FAM149A: variants seen among roughly 807,000 people sequenced by gnomAD.
FAM149A encodes protein FAM149A.
FAM149A carries 71 observed loss-of-function variants against 78.2 expected under a neutral mutation model. The ratio of observed to expected loss-of-function variants is 0.91; its 90% CI spans 0.75 to 1.11. The LOEUF is 1.11. Ranked by LOEUF, FAM149A falls within the 50% of genes least tolerant of loss-of-function variation. The pLI, the probability that FAM149A is intolerant of heterozygous loss-of-function variation, is 0.00. For missense variants in FAM149A, 1,036 were observed against 971.0 expected, an observed-to-expected ratio of 1.07 and a Z score of -0.89; for synonymous variants, 446 against 410.5, an observed-to-expected ratio of 1.09 and a Z score of -1.04.
chr4:186,169,355 G>A (rs539042095), intron 13 of FAM149A: 73 of 985,426 alleles, frequency 7.4e-5, no homozygotes, highest in South Asian at 2.3e-4. Flanking sequence ...GCTCAAAGGC[G>A]TGACCTGTGA....
chr4:186,150,122 C>G (rs1420353465), intron 3 of FAM149A, among the ~76,000 whole-genome samples: 2 of 129,958 alleles, frequency 1.5e-5, no homozygotes, highest in Admixed American at 7.5e-5. Flanking sequence ...ACCTTCACCC[C>G]CTACCGCTGG....
At chr4:186,146,642 G>A (rs1733059095) in intron 1 of FAM149A, 3 of 709,844 alleles carry the variant, frequency 4.2e-6, no homozygotes, top group African/African-American at 1.9e-5. Flanking sequence ...AGGAGGAGGA[G>A]CTAGAAGCAG....
At position 186,132,110 on chromosome 4, in the gene FAM149A, C is replaced by A. The variant is rs956264667; in HGVS notation, c.567-17063C>A. On this transcript the variant is annotated intron_variant, in intron 1 of 13. Transcript: ENST00000389354. ...TAACACGTCATTTCCACAGCAGAGG[C>A]TTGGTGATGCTAATCATTTGACAAA... 6 of 985,274 alleles carry A rather than the reference C, an allele frequency of 6.1e-6. No individual in the cohort carries two copies. In the African/African-American group the frequency reaches 1.0e-4, roughly 17 times the overall value. 61.0% of individuals were successfully genotyped at this position (985,274 alleles called of 1,614,324 possible).
At chr4:186,108,850 G>GTTT (rs199914588) in intron 1 of FAM149A, among the ~76,000 whole-genome samples, 1 of 140,552 alleles carries the variant, frequency 7.1e-6, no homozygotes, top group Non-Finnish European at 1.5e-5. Context: ...TCAATCTCTG[G>GTTT]TTTTTTTTTT....
At chr4:186,123,864 T>C in intron 1 of FAM149A, 1 of 980,876 alleles carries the variant, frequency 1.0e-6, no homozygotes, top group Non-Finnish European at 1.2e-6. Context: ...CAAATATTTA[T>C]GTGACAATCA....
intron 1 of FAM149A, chr4:186,129,906 G>A (rs773811531): frequency 2.6e-5 from 4 of 152,174 alleles, no homozygotes; most frequent in Non-Finnish European, 4.4e-5. Flanking sequence ...TAAATAGGAA[G>A]CATTGGTAGA....
Position 186,172,045 on chromosome 4 carries a change from G to A in FAM149A, c.*58G>A. The A allele has an allele frequency of 1.3e-6, 2 of 1,579,628 alleles. No homozygotes were observed. Among genetic ancestry groups the A allele is most frequent in the African/African-American group, 2.7e-5 (2 of 72,886 alleles). On this transcript the variant is annotated 3_prime_UTR_variant, in exon 14 of 14. Coordinates refer to ENST00000389354, the MANE Select transcript of FAM149A (RefSeq NM_001367768.3). ...GGCCTCGGCACACTGCTTATCACTT[G>A]AAAAATGGAGGAACAAGTGTTATAT...
Position 186,118,364 on chromosome 4 carries a change from G to T in FAM149A, c.566+12722G>T, listed in dbSNP as rs190910711. 1.6e-5 allele frequency: 6 copies of T among 375,746 alleles called. No homozygotes were observed. The Admixed American group carries it at 3.9e-4, about 24-fold the overall frequency. 23.3% of individuals were successfully genotyped at this position (375,746 alleles called of 1,614,324 possible). The stretch of plus-strand genomic sequence containing the variant: ...CTACTTGTTCCCTGTCCATGAAGCG[G>T]TAAGTGCAGAAAGGGAGAATAAGCA... On this transcript the variant is annotated intron_variant, in intron 1 of 13. Coordinates refer to ENST00000389354, the MANE Select transcript of FAM149A (RefSeq NM_001367768.3).
intron 6 of FAM149A, 28 bp downstream of exon 6, chr4:186,154,666 C>G (rs903086764): frequency 3.2e-6 from 5 of 1,584,310 alleles, no homozygotes; most frequent in Admixed American, 1.8e-5. Flanking sequence ...TGACATTGAC[C>G]TCATAAAATA....
At chr4:186,157,995 A>G (rs1184199283) in intron 8 of FAM149A, 4 of 1,485,812 alleles carry the variant, frequency 2.7e-6, no homozygotes, top group East Asian at 5.5e-5. Flanking sequence ...TGGCTTCCAG[A>G]TGGAGCAGTA....
chr4:186,137,018 CTAA>C lies in FAM149A; in HGVS notation c.567-12154_567-12152del, dbSNP rs146660503. 3.9e-3 allele frequency among the ~76,000 whole-genome samples: 468 copies of C among 120,078 alleles called. 10 individuals carry two copies. In the East Asian group the frequency reaches 0.054, roughly 14 times the overall value. 78.8% of individuals were successfully genotyped at this position (120,078 alleles called of 152,430 possible). On this transcript the variant is annotated intron_variant, in intron 1 of 13. Coordinates refer to ENST00000389354, the MANE Select transcript of FAM149A (RefSeq NM_001367768.3). ...TCTCTCTCTCTCTCTCTCTCTCTCTCTAAGTGCTTAAAGCAGGGCCTGGTGTGT... is the reference window on the plus strand; with the variant it reads ...TCTCTCTCTCTCTCTCTCTCTCTCTCGTGCTTAAAGCAGGGCCTGGTGTGT...
chr4:186,149,408 A>AGT lies in FAM149A; in HGVS notation c.677+125_677+126insGT, dbSNP rs1733296249. 8.2e-6 allele frequency: 9 copies of AGT among 1,100,582 alleles called. No homozygotes were observed. The East Asian group carries it at 5.3e-4, about 65-fold the overall frequency. The allele number at this position is 1,100,582 out of a possible 1,614,324, so 68.2% of individuals were successfully genotyped here. On this transcript the variant is annotated intron_variant, in intron 2 of 13. Coordinates refer to ENST00000389354, the MANE Select transcript of FAM149A (RefSeq NM_001367768.3). The stretch of plus-strand genomic sequence containing the variant: ...GCAGTTTTATTTTTAACCTAGTGTA[A>AGT]ACATCACACTGTAAAAATATTTCAA...
intron 10 of FAM149A, 78 bp downstream of exon 10, chr4:186,163,711 C>A: frequency 9.4e-7 from 1 of 1,061,548 alleles, no homozygotes; most frequent in Non-Finnish European, 1.4e-6. Flanking sequence ...TATGGATCAT[C>A]CTGGACAAAG....
intron 8 of FAM149A, chr4:186,160,689 C>A: frequency 1.7e-6 from 1 of 575,474 alleles, no homozygotes; most frequent in Non-Finnish European, 2.2e-6. Context: ...CACCTTCACA[C>A]ATACCACACA....
At chr4:186,171,395 C>A (rs1201437486) in intron 13 of FAM149A, 1 of 152,304 alleles carries the variant, frequency 6.6e-6, no homozygotes, top group African/African-American at 2.4e-5. Context: ...TCCTGTCTTT[C>A]TGAGGGTTTG....
intron 1 of FAM149A, chr4:186,109,199 A>T (rs1045854690): frequency 2.0e-6 from 2 of 985,098 alleles, no homozygotes; most frequent in Non-Finnish European, 2.4e-6. Context: ...GCAATACGTA[A>T]GGTGGATAGA....
chr4:186,136,044 C>G (rs768616330), intron 1 of FAM149A, among the ~76,000 whole-genome samples: 28 of 152,182 alleles, frequency 1.8e-4, no homozygotes, highest in Admixed American at 9.8e-4. Flanking sequence ...TCAATTGCAT[C>G]TTAATATTTC....
chr4:186,158,229 C>A, intron 8 of FAM149A: 1 of 1,265,190 alleles, frequency 7.9e-7, no homozygotes. Flanking sequence ...ACTCGCCAGA[C>A]CCAGGCAGCC....
chr4:186,142,458 G>A (rs1045901873), intron 1 of FAM149A, among the ~76,000 whole-genome samples: 5 of 152,186 alleles, frequency 3.3e-5, no homozygotes, highest in South Asian at 2.1e-4. Context: ...CGGTTATGGC[G>A]GATTAAAGAC....
Sources: allele counts gnomAD v4.1 joint callset (sites outside exome capture counted in the v4.1 genomes callset), GRCh38; gene constraint gnomAD v4.1.1; transcripts MANE v1.5; gene names NCBI Gene and HGNC (gene_info 2026-07-23, HGNC 2026-07-21).